GLP2R: variants seen among roughly 807,000 people sequenced by gnomAD.
The protein encoded by GLP2R is glucagon like peptide 2 receptor.
GLP2R carries 59 observed loss-of-function variants against 68.2 expected under a neutral mutation model. That is an observed-to-expected ratio of 0.87 (90% CI 0.70 to 1.07). The LOEUF is 1.07. Ranked by LOEUF, GLP2R falls within the 50% of genes least tolerant of loss-of-function variation. The pLI is 0.00. For synonymous variants in GLP2R, 270 were observed against 265.4 expected, an observed-to-expected ratio of 1.02 and a Z score of -0.17; for missense variants, 548 against 677.4, an observed-to-expected ratio of 0.81 and a Z score of 2.12.
intron 4 of GLP2R, among the ~76,000 whole-genome samples, chr17:9,851,610 TG>T (rs1412421335): frequency 5.3e-5 from 8 of 151,678 alleles, no homozygotes; most frequent in Non-Finnish European, 7.4e-5. Flanking sequence ...GAGAGAAACG[TG>T]GTTGGGATTG....
chr17:9,849,634 A>T (rs2066873710), intron 4 of GLP2R, among the ~76,000 whole-genome samples: 3 of 91,818 alleles, frequency 3.3e-5, no homozygotes, highest in Non-Finnish European at 2.0e-5. Flanking sequence ...TTTTTTTGAG[A>T]CAGAGTCTTG....
chr17:9,850,155 T>C (rs767840923), intron 4 of GLP2R, among the ~76,000 whole-genome samples: 1 of 152,180 alleles, frequency 6.6e-6, no homozygotes, highest in Non-Finnish European at 1.5e-5. Flanking sequence ...GTTAGGAAGC[T>C]TCTCATAAAG....
chr17:9,865,818 T>A (rs1452209621), intron 9 of GLP2R: 7 of 471,074 alleles, frequency 1.5e-5, no homozygotes, highest in African/African-American at 1.4e-4. Context: ...TTAACTATTG[T>A]TGTCTGTGTC....
chr17:9,866,800 A>G (rs1038316373), intron 9 of GLP2R: 2 of 152,164 alleles, frequency 1.3e-5, no homozygotes, highest in Admixed American at 1.3e-4. Flanking sequence ...TTTTGGTCAT[A>G]TGACCACATG....
At chr17:9,831,034 T>C (rs1290520050) in intron 1 of GLP2R, among the ~76,000 whole-genome samples, 15 of 152,178 alleles carry the variant, frequency 9.9e-5, no homozygotes, top group Admixed American at 9.8e-4. Context: ...AATTACTGAG[T>C]CAATAAGTTT....
At chr17:9,849,740 G>A (rs1011980363) in intron 4 of GLP2R, among the ~76,000 whole-genome samples, 3 of 150,504 alleles carry the variant, frequency 2.0e-5, no homozygotes, top group Non-Finnish European at 4.4e-5. Flanking sequence ...AGCCTCCCGA[G>A]TAGCTGGGAC....
intron 4 of GLP2R, among the ~76,000 whole-genome samples, chr17:9,845,650 G>A (rs2066829954): frequency 1.3e-5 from 2 of 151,996 alleles, no homozygotes; most frequent in African/African-American, 4.8e-5. Context: ...TCAGTCCTAG[G>A]GCTGTGATCA....
chr17:9,826,283 CA>C (rs1212781621), intron 1 of GLP2R, 31 bp downstream of exon 1: 1 of 1,470,126 alleles, frequency 6.8e-7, no homozygotes, highest in Admixed American at 2.4e-5. Flanking sequence ...TTATTATTAT[CA>C]GTTGTATTTC....
intron 11 of GLP2R, among the ~76,000 whole-genome samples, chr17:9,887,127 G>A (rs760110923): frequency 2.0e-5 from 3 of 152,034 alleles, no homozygotes; most frequent in South Asian, 2.1e-4. Context: ...GTATTGTGGC[G>A]ATGGTCATCC....
rs374730115 is a variant in GLP2R, at chr17:9,889,502, G to A, written c.1459G>A (p.Ala487Thr). The change falls in exon 13 of 13, where the codon GCT (alanine) becomes ACT (threonine). Residue 487 changes from alanine (A) to threonine (T), a missense_variant. By Grantham distance (58) the Ala-to-Thr change is moderately conservative. Transcript: ENST00000262441. ...CPKKLSEGDG[A>T]EKLRKLQPSL... ...CAAGAAGCTCTCGGAAGGAGATGGC[G>A]CTGAGAAGCTTCGGAAGCTGCAGCC... is the stretch of plus-strand genomic sequence containing the variant. The A allele has an allele frequency of 2.4e-5, 38 of 1,614,096 alleles. No individual in the cohort carries two copies. Among genetic ancestry groups the A allele is most frequent in the Middle Eastern group, 1.6e-4 (1 of 6,084 alleles).
At chr17:9,845,028 A>G (rs1308205076) in intron 4 of GLP2R, among the ~76,000 whole-genome samples, 1 of 149,962 alleles carries the variant, frequency 6.7e-6, no homozygotes, top group Non-Finnish European at 1.5e-5. Context: ...TGAACCTGCA[A>G]AACACCCCCA....
chr17:9,856,964 C>T (rs988050956), intron 5 of GLP2R, among the ~76,000 whole-genome samples: 2 of 152,010 alleles, frequency 1.3e-5, no homozygotes, highest in African/African-American at 4.8e-5. Context: ...GCTCTGTTGC[C>T]AGGCTGGCGT....
chr17:9,854,141 A>G (rs1330990113), intron 4 of GLP2R, among the ~76,000 whole-genome samples: 1 of 152,180 alleles, frequency 6.6e-6, no homozygotes, highest in Non-Finnish European at 1.5e-5. Context: ...GACCCTAGGG[A>G]CAGTGCTCCC....
intron 11 of GLP2R, 25 bp from the exon 12 acceptor site, chr17:9,887,907 A>G (rs772260364): frequency 1.9e-6 from 3 of 1,592,456 alleles, no homozygotes; most frequent in Non-Finnish European, 2.6e-6. Flanking sequence ...GTCAGATTTT[A>G]TGCCATGTCC....
chr17:9,834,929 G>A (rs892818140), intron 2 of GLP2R: 2 of 152,220 alleles, frequency 1.3e-5, no homozygotes, highest in Non-Finnish European at 2.9e-5. Context: ...CCCAGACCAG[G>A]TGCTGACACC....
chr17:9,841,559 A>G (rs1350640115), intron 3 of GLP2R, among the ~76,000 whole-genome samples: 1 of 152,100 alleles, frequency 6.6e-6, no homozygotes, highest in African/African-American at 2.4e-5. Flanking sequence ...GTGACTCTGA[A>G]GTTTAGGGCC....
At chr17:9,856,543 A>C (rs1395942881) in intron 5 of GLP2R, among the ~76,000 whole-genome samples, 1 of 152,220 alleles carries the variant, frequency 6.6e-6, no homozygotes, top group Admixed American at 6.5e-5. Flanking sequence ...AAGAGTCTGC[A>C]GGAGACCCCA....
chr17:9,839,761 C>T (rs564648777), intron 3 of GLP2R, among the ~76,000 whole-genome samples: 48 of 152,290 alleles, frequency 3.2e-4, no homozygotes, highest in African/African-American at 1.1e-3. Context: ...CCCTGCACTC[C>T]AGCCCAATGA....
intron 3 of GLP2R, among the ~76,000 whole-genome samples, chr17:9,841,941 T>G (rs1951815565): frequency 6.6e-6 from 1 of 152,194 alleles, no homozygotes; most frequent in South Asian, 2.1e-4. Context: ...ATTTTTCTCA[T>G]CATTTTCACA....
Sources: allele counts gnomAD v4.1 joint callset (sites outside exome capture counted in the v4.1 genomes callset), GRCh38; gene constraint gnomAD v4.1.1; transcripts MANE v1.5; gene names NCBI Gene and HGNC (gene_info 2026-07-23, HGNC 2026-07-21).